MYO3B: variants seen among roughly 807,000 people sequenced by gnomAD.
The protein encoded by MYO3B is myosin-IIIb.
Under a neutral mutation model 174.6 loss-of-function variants are expected in MYO3B, and 156 were observed. The observed-to-expected ratio is 0.89, with a 90% confidence interval of 0.78 to 1.02. The LOEUF (loss-of-function observed/expected upper bound fraction) is 1.02, where lower values mean the gene tolerates loss of function less well. MYO3B is among the 50% of genes least tolerant of loss of function. MYO3B has a pLI of 0.00. For missense variants in MYO3B, 1,632 were observed against 1,639.4 expected (o/e 1.00, Z 0.08); for synonymous variants, 563 against 569.1 (o/e 0.99, Z 0.15).
At chr2:170,604,717 CCAAA>C (rs996853562) in intron 32 of MYO3B, among the ~76,000 whole-genome samples, 11 of 151,596 alleles carry the variant, frequency 7.3e-5, no homozygotes, top group Admixed American at 5.9e-4. Flanking sequence ...TTAAAGCAAC[CCAAA>C]CAATTTCCTT....
intron 30 of MYO3B, among the ~76,000 whole-genome samples, chr2:170,524,881 A>G (rs981390479): frequency 4.6e-5 from 7 of 152,172 alleles, no homozygotes; most frequent in Non-Finnish European, 7.4e-5. Context: ...GTAACTTGCC[A>G]ATGTTACTTA....
At chr2:170,636,929 C>T (rs1331945908) in intron 32 of MYO3B, among the ~76,000 whole-genome samples, 2 of 149,262 alleles carry the variant, frequency 1.3e-5, no homozygotes, top group Admixed American at 1.4e-4. Flanking sequence ...TTTGGTCGAA[C>T]TTCATGGACA....
chr2:170,483,618 C>G (rs1411727329), intron 25 of MYO3B, among the ~76,000 whole-genome samples: 1 of 125,738 alleles, frequency 8.0e-6, no homozygotes, highest in African/African-American at 5.0e-5. Context: ...GATCTCCTGA[C>G]CTCGTGATCC....
In MYO3B at chr2:170,404,466, G is replaced by A. The variant is rs1002520530; in HGVS notation, c.2431+66G>A. On this transcript the variant is annotated intron_variant, in intron 20 of 34. Transcript: ENST00000408978. ...AAACTTGGCTTGTGTCATCAATTGA[G>A]TGTACTTTAATGAATTTACCTTACA... The A allele has an allele frequency of 4.1e-6, 6 of 1,471,096 alleles. No homozygotes were observed. The African/African-American group carries it at 8.5e-5, about 21-fold the overall frequency. 91.1% of individuals were successfully genotyped at this position (1,471,096 alleles called of 1,614,324 possible). A position where few individuals can be genotyped will look rare whatever the true frequency, so the allele number is the denominator to read the frequency against.
intron 7 of MYO3B, among the ~76,000 whole-genome samples, chr2:170,328,989 T>A (rs989035537): frequency 6.6e-6 from 1 of 151,954 alleles, no homozygotes; most frequent in Non-Finnish European, 1.5e-5. Flanking sequence ...GGTGAAACAC[T>A]GTCTCTACAA....
intron 32 of MYO3B, among the ~76,000 whole-genome samples, chr2:170,634,533 C>T (rs563458764): frequency 3.3e-5 from 5 of 152,122 alleles, no homozygotes; most frequent in Non-Finnish European, 5.9e-5. Context: ...AAAACCTAGG[C>T]AATACCATTC....
rs548262621 is a variant in MYO3B, at chr2:170,587,079, C to G, written c.3733+43091C>G. 2.0e-4 allele frequency among the ~76,000 whole-genome samples: 30 copies of G among 152,264 alleles called. 1 individual carries two copies. The East Asian group carries it at 5.2e-3, about 26-fold the overall frequency. ...TTTCAGCATTTTTGCTGAAGGGTCA[C>G]TTTGTGATAAGAGAAAAATTACATA... On this transcript the variant is annotated intron_variant, in intron 32 of 34. Coordinates refer to ENST00000408978, the MANE Select transcript of MYO3B (RefSeq NM_138995.5).
chr2:170,646,593 G>A (rs555804675), intron 32 of MYO3B, among the ~76,000 whole-genome samples: 2 of 152,090 alleles, frequency 1.3e-5, no homozygotes, highest in South Asian at 2.1e-4. Context: ...ATGGCACTTC[G>A]CCATGTTGCC....
chr2:170,385,987 C>T (rs2094371364), intron 12 of MYO3B: 1 of 423,814 alleles, frequency 2.4e-6, no homozygotes, highest in African/African-American at 2.0e-5. Flanking sequence ...ACAGATTAAA[C>T]AGATTATGGT....
At chr2:170,639,535 A>G (rs578148739) in intron 32 of MYO3B, among the ~76,000 whole-genome samples, 2 of 152,368 alleles carry the variant, frequency 1.3e-5, no homozygotes, top group East Asian at 3.9e-4. Context: ...AAAAATAGAA[A>G]GATGCTACAT....
intron 8 of MYO3B, among the ~76,000 whole-genome samples, chr2:170,359,621 A>G (rs1370344183): frequency 6.6e-6 from 1 of 152,098 alleles, no homozygotes; most frequent in African/African-American, 2.4e-5. Flanking sequence ...TGAGCCTTGC[A>G]TTTTATACCA....
chr2:170,414,105 A>T (rs2094563156), intron 22 of MYO3B, among the ~76,000 whole-genome samples: 1 of 152,182 alleles, frequency 6.6e-6, no homozygotes, highest in Non-Finnish European at 1.5e-5. Flanking sequence ...ATTGTCAAAA[A>T]TCAATTGGTT....
Position 170,501,551 on chromosome 2 carries a change from G to T in MYO3B, c.3290-234G>T, listed in dbSNP as rs190686571. Among the ~76,000 whole-genome samples the T allele has an allele frequency of 1.7e-3, 260 of 152,212 alleles. 1 individual carries two copies. The highest frequency in any genetic ancestry group is 5.9e-3 in the African/African-American group (247 of 41,522). On this transcript the variant is annotated intron_variant, in intron 27 of 34. Coordinates refer to ENST00000408978, the MANE Select transcript of MYO3B (RefSeq NM_138995.5). The stretch of plus-strand genomic sequence containing the variant: ...CATCAGTGGAACCCAGAGTGTTCTG[G>T]AAATCACTGCCTGAACAAAAGCAAC...
intron 25 of MYO3B, among the ~76,000 whole-genome samples, chr2:170,494,175 G>A (rs1379891296): frequency 6.6e-6 from 1 of 152,226 alleles, no homozygotes; most frequent in Non-Finnish European, 1.5e-5. Context: ...AAATGCAGGA[G>A]GATGTATCTC....
chr2:170,360,438 C>A (rs2094152398), intron 8 of MYO3B, among the ~76,000 whole-genome samples: 1 of 152,186 alleles, frequency 6.6e-6, no homozygotes, highest in Non-Finnish European at 1.5e-5. Flanking sequence ...AATTGCCAGA[C>A]CCCAGAAATT....
intron 32 of MYO3B, among the ~76,000 whole-genome samples, chr2:170,645,405 G>A (rs1197660939): frequency 1.3e-5 from 2 of 149,400 alleles, no homozygotes; most frequent in African/African-American, 4.9e-5. Context: ...CCCGGTGGAG[G>A]TTGCAGTGAA....
At chr2:170,319,588 G>T (rs950248149) in intron 7 of MYO3B, among the ~76,000 whole-genome samples, 1 of 152,120 alleles carries the variant, frequency 6.6e-6, no homozygotes, top group Non-Finnish European at 1.5e-5. Flanking sequence ...CCAGAAGGAG[G>T]TGAGATAAAT....
At chr2:170,557,030 G>C (rs1051103090) in intron 32 of MYO3B, among the ~76,000 whole-genome samples, 1 of 150,696 alleles carries the variant, frequency 6.6e-6, no homozygotes, top group Admixed American at 6.6e-5. Flanking sequence ...AGTTTTAAGA[G>C]TTCTTTGTAT....
At chr2:170,407,643 A>T (rs943740214) in intron 21 of MYO3B, 72 bp from the exon 22 acceptor site, 25 of 1,567,332 alleles carry the variant, frequency 1.6e-5, no homozygotes, top group Non-Finnish European at 2.0e-5. Context: ...ACAACTGGTT[A>T]GGCAAGTTGC....
Sources: gnomAD v4.1 joint callset for allele counts (sites outside exome capture counted in the v4.1 genomes callset) on GRCh38, gnomAD v4.1.1 for gene constraint, MANE v1.5 for transcripts, NCBI Gene and HGNC (gene_info 2026-07-23, HGNC 2026-07-21) for gene names.